The following RBFOX1 variants were observed in gnomAD, a reference collection of about 807,000 sequenced individuals.
RBFOX1 encodes the protein RNA binding protein fox-1 homolog 1.
A neutral mutation model predicts 57.7 loss-of-function variants in RBFOX1; 8 were observed. That is an observed-to-expected ratio of 0.14 (90% CI 0.08 to 0.25). The LOEUF is 0.25. Among genes scored for constraint, RBFOX1 ranks in the 10% least tolerant of loss-of-function variants. RBFOX1 has a pLI of 1.00. For synonymous variants in RBFOX1, 326 were observed against 222.4 expected (o/e 1.47, Z -4.15); for missense variants, 611 against 548.5 (o/e 1.11, Z -1.14).
intron 4 of RBFOX1, among the ~76,000 whole-genome samples, chr16:7,131,341 C>CT (rs34213849): frequency 0.097 from 6,943 of 71,700 alleles, 336 homozygotes; most frequent in East Asian, 0.17. Flanking sequence ...GCGAGACTGT[C>CT]TTTTTTTTTT....
chr16:7,178,977 G>T (rs962121445), intron 4 of RBFOX1, among the ~76,000 whole-genome samples: 1 of 152,068 alleles, frequency 6.6e-6, no homozygotes, highest in Non-Finnish European at 1.5e-5. Flanking sequence ...TATAATTTTC[G>T]GTGGCAGTGC....
rs957848248 is a variant in RBFOX1, at chr16:7,186,247, CAT to C, written c.27+134151_27+134152del. On this transcript the variant is annotated intron_variant, in intron 4 of 15. Transcript: ENST00000550418. ...ATAAACATAAACATATTTATATAAA[CAT>C]AAACATATTTATATAAACATAAACA... Among the ~76,000 whole-genome samples the C allele has an allele frequency of 1.2e-3, 74 of 61,462 alleles. 2 individuals carry two copies. Among genetic ancestry groups the C allele is most frequent in the Non-Finnish European group, 2.0e-3 (68 of 34,090 alleles). The allele number at this position is 61,462 out of a possible 152,430, so 40.3% of individuals were successfully genotyped here. A position where few individuals can be genotyped will look rare whatever the true frequency, so the allele number is the denominator to read the frequency against.
intron 2 of RBFOX1, among the ~76,000 whole-genome samples, chr16:6,527,608 C>G (rs961095106): frequency 6.6e-6 from 1 of 152,072 alleles, no homozygotes; most frequent in East Asian, 1.9e-4. Context: ...TTGCATGCAC[C>G]TGCAATGATG....
intron 3 of RBFOX1, among the ~76,000 whole-genome samples, chr16:6,979,303 CG>C (rs2087988930): frequency 6.6e-6 from 1 of 152,066 alleles, no homozygotes; most frequent in African/African-American, 2.4e-5. Flanking sequence ...TGATTAAACA[CG>C]CAGGATATAA....
chr16:5,503,919 T>C (rs1043620498), intron 2 of RBFOX1, among the ~76,000 whole-genome samples: 4 of 152,230 alleles, frequency 2.6e-5, no homozygotes, highest in African/African-American at 9.6e-5. Flanking sequence ...CAGATTTGCC[T>C]GTTGTGGCCA....
intron 4 of RBFOX1, among the ~76,000 whole-genome samples, chr16:7,371,920 C>G (rs1471689027): frequency 6.6e-6 from 1 of 151,788 alleles, no homozygotes. Flanking sequence ...AGTTTTTCTA[C>G]ACTAGGTGGC....
intron 2 of RBFOX1, among the ~76,000 whole-genome samples, chr16:6,438,358 C>G (rs572493562): frequency 6.6e-6 from 1 of 152,042 alleles, no homozygotes; most frequent in African/African-American, 2.4e-5. Context: ...AGTAATCTGG[C>G]CAGGCCACTT....
At chr16:7,452,359 A>G (rs1216443684) in intron 4 of RBFOX1, among the ~76,000 whole-genome samples, 1 of 152,166 alleles carries the variant, frequency 6.6e-6, no homozygotes, top group Non-Finnish European at 1.5e-5. Flanking sequence ...TTGTGCTAAG[A>G]GCTTAGAACA....
Position 6,283,357 on chromosome 16 carries a change from A to G in RBFOX1, c.-126-33638A>G, listed in dbSNP as rs547830728. ...AAAAACAAACAAATAAAAATTAAAT[A>G]ATATCCTTAAGCCTAGCCATTCTTT... On this transcript the variant is annotated intron_variant, in intron 1 of 15. Coordinates refer to ENST00000550418, the MANE Select transcript of RBFOX1 (RefSeq NM_018723.4). Among the ~76,000 whole-genome samples the G allele has an allele frequency of 3.3e-5, 5 of 152,246 alleles. No individual in the cohort carries two copies. The East Asian group carries it at 9.7e-4, about 29-fold the overall frequency.
At chr16:5,643,848 G>C (rs1173551773) in intron 3 of RBFOX1, among the ~76,000 whole-genome samples, 3 of 152,170 alleles carry the variant, frequency 2.0e-5, no homozygotes, top group African/African-American at 7.2e-5. Flanking sequence ...ACGTGGGATG[G>C]AGCTCACCCT....
At chr16:5,804,902 T>C (rs374945883) in intron 3 of RBFOX1, among the ~76,000 whole-genome samples, 2 of 152,232 alleles carry the variant, frequency 1.3e-5, no homozygotes, top group African/African-American at 4.8e-5. Flanking sequence ...TTGACGGCTC[T>C]TGAGAAATGT....
chr16:5,645,495 A>G (rs2049024299), intron 3 of RBFOX1, among the ~76,000 whole-genome samples: 1 of 152,204 alleles, frequency 6.6e-6, no homozygotes, highest in Non-Finnish European at 1.5e-5. Context: ...AATATACTAA[A>G]TGCTTATGAA....
At chr16:6,399,385 T>G (rs539046293) in intron 2 of RBFOX1, among the ~76,000 whole-genome samples, 1 of 152,326 alleles carries the variant, frequency 6.6e-6, no homozygotes, top group East Asian at 1.9e-4. Flanking sequence ...TGCGAAATCA[T>G]GTCTCTCAAG....
intron 3 of RBFOX1, among the ~76,000 whole-genome samples, chr16:7,034,748 C>T (rs193031583): frequency 4.7e-5 from 7 of 150,526 alleles, no homozygotes; most frequent in African/African-American, 1.5e-4. Flanking sequence ...TGTGAATTAC[C>T]TGGGGTTTGG....
intron 4 of RBFOX1, among the ~76,000 whole-genome samples, chr16:7,384,880 A>G (rs12448021): frequency 0.058 from 8,850 of 152,306 alleles, 298 homozygotes; most frequent in South Asian, 0.12. Context: ...AACTGTGTAA[A>G]TTAATATATG....
intron 4 of RBFOX1, among the ~76,000 whole-genome samples, chr16:7,073,014 A>T (rs1206995405): frequency 6.6e-6 from 1 of 152,184 alleles, no homozygotes; most frequent in Non-Finnish European, 1.5e-5. Context: ...AGGCTTTGTG[A>T]GTCCTCACAG....
rs575199589 is a variant in RBFOX1 at position 5,837,275 on chromosome 16, A to G, written c.319-30028A>G. Among the ~76,000 whole-genome samples, 3 of 151,420 alleles carry G rather than the reference A, an allele frequency of 2.0e-5. No individual in the cohort carries two copies. In the South Asian group the frequency reaches 6.3e-4, roughly 32 times the overall value. ...CAGTTTTTTTTTTTTAACTACACACAAACTGCATCTTCTGCCTGAAACACC... is the reference window on the plus strand; with the variant it reads ...CAGTTTTTTTTTTTTAACTACACACGAACTGCATCTTCTGCCTGAAACACC... On this transcript the variant is annotated intron_variant, in intron 3 of 19. Coordinates refer to the RBFOX1 transcript ENST00000641259.
At chr16:5,284,227 C>G (rs150569393) in intron 1 of RBFOX1, among the ~76,000 whole-genome samples, 2 of 152,288 alleles carry the variant, frequency 1.3e-5, no homozygotes, top group African/African-American at 4.8e-5. Context: ...AAACCTCTTT[C>G]TTTTGTAAAT....
chr16:7,285,057 C>G (rs1223012774), intron 4 of RBFOX1, among the ~76,000 whole-genome samples: 1 of 127,048 alleles, frequency 7.9e-6, no homozygotes, highest in African/African-American at 2.9e-5. Flanking sequence ...CAGCCCTTTG[C>G]TATCTATAGA....
Sources: allele counts gnomAD v4.1 joint callset (sites outside exome capture counted in the v4.1 genomes callset), GRCh38; gene constraint gnomAD v4.1.1; transcripts MANE v1.5; gene names NCBI Gene and HGNC (gene_info 2026-07-23, HGNC 2026-07-21).